The following KCNIP1 variants were observed in gnomAD, a reference collection of about 807,000 sequenced individuals.
The protein encoded by KCNIP1 is A-type potassium channel modulatory protein KCNIP1.
Under a neutral mutation model 33.0 loss-of-function variants are expected in KCNIP1, and 18 were observed. That is an observed-to-expected ratio of 0.55 (90% confidence interval 0.38 to 0.81). The LOEUF is 0.81. Ranked by LOEUF, KCNIP1 falls within the 30% of genes least tolerant of loss-of-function variation. KCNIP1 has a pLI of 0.00. For missense variants in KCNIP1, 238 were observed against 271.6 expected (o/e 0.88, Z 0.87); for synonymous variants, 93 against 98.3 (o/e 0.95, Z 0.32).
At chr5:170,579,720 G>C (rs1385685593) in intron 1 of KCNIP1, among the ~76,000 whole-genome samples, 1 of 152,100 alleles carries the variant, frequency 6.6e-6, no homozygotes, top group African/African-American at 2.4e-5. Flanking sequence ...CCAATCTAGG[G>C]GCTCCTTATC....
chr5:170,519,650 T>C (rs901449142), intron 1 of KCNIP1, among the ~76,000 whole-genome samples: 1 of 152,022 alleles, frequency 6.6e-6, no homozygotes, highest in Admixed American at 6.5e-5. Flanking sequence ...ACCAAAGTGG[T>C]TTTTGGATTA....
chr5:170,674,960 A>G (rs972487293), intron 1 of KCNIP1, among the ~76,000 whole-genome samples: 2 of 140,040 alleles, frequency 1.4e-5, no homozygotes, highest in African/African-American at 5.5e-5. Context: ...CTAGATGCAC[A>G]GAGGGTTTTG....
chr5:170,491,130 C>T (rs148080169), intron 1 of KCNIP1, among the ~76,000 whole-genome samples: 308 of 152,272 alleles, frequency 2.0e-3, no homozygotes, highest in African/African-American at 7.1e-3. Context: ...CTATCACTGT[C>T]AGTCCGGACC....
intron 1 of KCNIP1, among the ~76,000 whole-genome samples, chr5:170,585,906 G>T (rs1757971875): frequency 6.6e-6 from 1 of 152,200 alleles, no homozygotes; most frequent in Non-Finnish European, 1.5e-5. Context: ...CCCTGCAGGA[G>T]CCAGTGGTTC....
intron 1 of KCNIP1, among the ~76,000 whole-genome samples, chr5:170,714,883 T>C (rs950658503): frequency 1.3e-5 from 2 of 152,144 alleles, no homozygotes; most frequent in Non-Finnish European, 2.9e-5. Flanking sequence ...GGTTAATTTC[T>C]TATTGAAAAA....
intron 1 of KCNIP1, among the ~76,000 whole-genome samples, chr5:170,430,722 T>C (rs948273789): frequency 3.3e-5 from 5 of 151,890 alleles, no homozygotes; most frequent in Non-Finnish European, 7.4e-5. Flanking sequence ...TGGGAAAGAG[T>C]TGTCATGGGC....
At chr5:170,486,588 G>A (rs1021924241) in intron 1 of KCNIP1, among the ~76,000 whole-genome samples, 7 of 152,208 alleles carry the variant, frequency 4.6e-5, no homozygotes, top group African/African-American at 1.7e-4. Context: ...AGATTTCTGG[G>A]ATTTCCCTGG....
chr5:170,545,494 C>T (rs1215358687), intron 1 of KCNIP1, among the ~76,000 whole-genome samples: 1 of 152,102 alleles, frequency 6.6e-6, no homozygotes, highest in Non-Finnish European at 1.5e-5. Flanking sequence ...TTCTGGGACT[C>T]CAATTATGTG....
intron 1 of KCNIP1, among the ~76,000 whole-genome samples, chr5:170,457,291 A>G (rs1171584858): frequency 1.3e-5 from 2 of 152,364 alleles, no homozygotes; most frequent in East Asian, 3.9e-4. Flanking sequence ...TGAGAGCTGA[A>G]GACAGGGCAG....
At chr5:170,670,815 G>A (rs550844236) in intron 1 of KCNIP1, among the ~76,000 whole-genome samples, 71 of 152,078 alleles carry the variant, frequency 4.7e-4, no homozygotes, top group African/African-American at 1.5e-3. Flanking sequence ...AGAATTGCTT[G>A]AGCCTGGGAG....
intron 1 of KCNIP1, among the ~76,000 whole-genome samples, chr5:170,585,608 C>T (rs1284547270): frequency 6.6e-6 from 1 of 152,136 alleles, no homozygotes; most frequent in African/African-American, 2.4e-5. Context: ...CCACCTCTCA[C>T]CCCCCGCCCC....
intron 1 of KCNIP1, among the ~76,000 whole-genome samples, chr5:170,354,667 G>A (rs1763297194): frequency 3.9e-5 from 6 of 152,198 alleles, no homozygotes; most frequent in Admixed American, 3.9e-4. Flanking sequence ...CCAGAATTAG[G>A]GCTGCAGCCC....
chr5:170,385,611 G>A (rs1764437787), intron 1 of KCNIP1: 1 of 851,926 alleles, frequency 1.2e-6, no homozygotes, highest in African/African-American at 1.7e-5. Flanking sequence ...ACTTCCAGAA[G>A]TCTTGCTTTT....
At chr5:170,503,762 A>T (rs1304367240), upstream of KCNIP1, among the ~76,000 whole-genome samples, 2 of 142,236 alleles carry the variant, frequency 1.4e-5, no homozygotes, top group African/African-American at 5.2e-5. Context: ...ACACACACAC[A>T]CATACACACA....
chr5:170,718,144 T>C (rs1453025551), intron 1 of KCNIP1, among the ~76,000 whole-genome samples: 1 of 152,254 alleles, frequency 6.6e-6, no homozygotes, highest in African/African-American at 2.4e-5. Flanking sequence ...TTTTAGAGCC[T>C]TTCAAATGGT....
intron 1 of KCNIP1, among the ~76,000 whole-genome samples, chr5:170,664,463 C>T (rs1219161853): frequency 6.6e-6 from 1 of 152,104 alleles, no homozygotes; most frequent in Non-Finnish European, 1.5e-5. Context: ...GAGTCTGGGT[C>T]CCATTCGTTT....
At chr5:170,451,771 T>TGTGTGTGTGTGTGTGTGTGTGTG in intron 1 of KCNIP1, among the ~76,000 whole-genome samples, 1 of 50,462 alleles carries the variant, frequency 2.0e-5, no homozygotes, top group African/African-American at 9.3e-5. Context: ...GTGTGTGTGT[T>TGTGTGTGTGTGTGTGTGTGTGTG]TGCAGGGGGA....
chr5:170,478,909 TAA>T (rs10609881), intron 1 of KCNIP1, among the ~76,000 whole-genome samples: 26,511 of 143,252 alleles, frequency 0.19, 2,453 homozygotes, highest in Non-Finnish European at 0.21. Context: ...AAAAGGAAGA[TAA>T]AAAAAAAAAA....
At chr5:170,707,361 C>A (rs912757733) in intron 1 of KCNIP1, among the ~76,000 whole-genome samples, 7 of 152,126 alleles carry the variant, frequency 4.6e-5, no homozygotes, top group Non-Finnish European at 8.8e-5. Flanking sequence ...ATGTACATGG[C>A]CTTGCTCCTT....
Sources: allele counts gnomAD v4.1 joint callset (sites outside exome capture counted in the v4.1 genomes callset), GRCh38; gene constraint gnomAD v4.1.1; transcripts MANE v1.5; gene names NCBI Gene and HGNC (gene_info 2026-07-23, HGNC 2026-07-21).